CTNNA2: variants seen among roughly 807,000 people sequenced by gnomAD.
CTNNA2 encodes the protein catenin alpha 2.
In CTNNA2, 42 loss-of-function variants were observed where a neutral mutation model predicts 101.0. That is an observed-to-expected ratio of 0.42 (90% CI 0.32 to 0.54). CTNNA2 has a LOEUF of 0.54. Among genes scored for constraint, CTNNA2 ranks in the 20% least tolerant of loss-of-function variants. CTNNA2 has a pLI of 0.14. For synonymous variants in CTNNA2, 450 were observed against 456.4 expected (o/e 0.99, Z 0.18); for missense variants, 871 against 1,223.1 (o/e 0.71, Z 4.29).
intron 2 of CTNNA2, among the ~76,000 whole-genome samples, chr2:79,292,443 A>G (rs1177332114): frequency 6.6e-6 from 1 of 152,236 alleles, no homozygotes; most frequent in Non-Finnish European, 1.5e-5. Context: ...AGAGAAGTAC[A>G]TTCAGAATGA....
intron 7 of CTNNA2, among the ~76,000 whole-genome samples, chr2:80,177,593 C>T (rs983520112): frequency 6.6e-6 from 1 of 152,118 alleles, no homozygotes; most frequent in Non-Finnish European, 1.5e-5. Context: ...TGGGCAATGA[C>T]AGGGGTGACT....
At chr2:79,562,655 A>G (rs1374519880) in intron 1 of CTNNA2, among the ~76,000 whole-genome samples, 1 of 152,086 alleles carries the variant, frequency 6.6e-6, no homozygotes, top group Non-Finnish European at 1.5e-5. Context: ...TCTAAAAGTT[A>G]TTTTAACTTT....
intron 6 of CTNNA2, among the ~76,000 whole-genome samples, chr2:79,877,702 A>G (rs1683131431): frequency 6.6e-6 from 1 of 152,190 alleles, no homozygotes; most frequent in Non-Finnish European, 1.5e-5. Flanking sequence ...AAAATCTCTT[A>G]CTGATACTTG....
At chr2:80,514,588 GA>G (rs1469755232) in intron 9 of CTNNA2, among the ~76,000 whole-genome samples, 3 of 152,096 alleles carry the variant, frequency 2.0e-5, no homozygotes, top group African/African-American at 4.8e-5. Flanking sequence ...TTTAGTGATG[GA>G]AAAGGCTCTC....
intron 7 of CTNNA2, among the ~76,000 whole-genome samples, chr2:80,116,053 ACT>A (rs2148869182): frequency 7.6e-6 from 1 of 131,352 alleles, no homozygotes; most frequent in African/African-American, 3.0e-5. Flanking sequence ...AGTTTAATAA[ACT>A]TTTTTTTTTC....
intron 3 of CTNNA2, among the ~76,000 whole-genome samples, chr2:79,368,041 A>G (rs1677788775): frequency 1.3e-5 from 2 of 152,198 alleles, no homozygotes; most frequent in African/African-American, 4.8e-5. Flanking sequence ...AAAAGATGAC[A>G]ATGGTTATCA....
intron 7 of CTNNA2, among the ~76,000 whole-genome samples, chr2:80,360,677 AAACC>A (rs1674318073): frequency 6.6e-6 from 1 of 152,108 alleles, no homozygotes; most frequent in African/African-American, 2.4e-5. Context: ...CCCTGCTTAC[AAACC>A]ACTTCTCTAG....
At chr2:80,223,191 A>G (rs73938240) in intron 7 of CTNNA2, among the ~76,000 whole-genome samples, 2,213 of 152,286 alleles carry the variant, frequency 0.015, 55 homozygotes, top group African/African-American at 0.051. Context: ...TCAGGATGTA[A>G]CAGAGGCTTT....
In CTNNA2 at chr2:79,874,198, G is replaced by A. The variant is rs1372611257; in HGVS notation, c.708G>A (p.Thr236=). 16 of 1,613,994 alleles carry A rather than the reference G, an allele frequency of 9.9e-6. No homozygotes were observed. Among genetic ancestry groups the A allele is most frequent in the African/African-American group, 1.3e-5 (1 of 74,910 alleles). ...AFLRHPDVAA[T]RANRDYVFKQ... is the part of the protein sequence containing the mutation. The stretch of plus-strand genomic sequence containing the variant: ...TCCGCCACCCAGATGTCGCCGCTAC[G>A]AGAGCCAACCGAGATTATGTGTTCA... The change falls in exon 6 of 19, where the codon ACG becomes ACA. Residue 236 remains threonine (T), a synonymous_variant. Coordinates refer to ENST00000402739, the MANE Select transcript of CTNNA2 (RefSeq NM_001282597.3).
At chr2:80,389,099 G>T (rs1366676187) in intron 7 of CTNNA2, among the ~76,000 whole-genome samples, 1 of 152,206 alleles carries the variant, frequency 6.6e-6, no homozygotes, top group Non-Finnish European at 1.5e-5. Context: ...TGCCTGGATG[G>T]AGAAAGCAGA....
chr2:79,889,353 CT>C (rs1684140530), intron 6 of CTNNA2, among the ~76,000 whole-genome samples: 1 of 152,114 alleles, frequency 6.6e-6, no homozygotes, highest in African/African-American at 2.4e-5. Context: ...CTGATACTGT[CT>C]TTTTTTCTGA....
At chr2:79,507,266 T>C (rs1335903601) in intron 5 of CTNNA2, among the ~76,000 whole-genome samples, 1 of 152,228 alleles carries the variant, frequency 6.6e-6, no homozygotes, top group African/African-American at 2.4e-5. Context: ...ATACTGCGGT[T>C]TGAATGTGTC....
At chr2:80,590,204 C>A (rs1421286453) in intron 15 of CTNNA2, among the ~76,000 whole-genome samples, 1 of 152,114 alleles carries the variant, frequency 6.6e-6, no homozygotes, top group Non-Finnish European at 1.5e-5. Flanking sequence ...GATATCTCTG[C>A]CCTTTCAACA....
chr2:80,492,764 G>A (rs1232899387), intron 9 of CTNNA2, among the ~76,000 whole-genome samples: 1 of 152,164 alleles, frequency 6.6e-6, no homozygotes, highest in African/African-American at 2.4e-5. Context: ...TGGCTGGAAT[G>A]CTTTGCCCTA....
At chr2:79,936,899 G>A (rs145620090) in intron 7 of CTNNA2, among the ~76,000 whole-genome samples, 5 of 152,042 alleles carry the variant, frequency 3.3e-5, no homozygotes, top group Non-Finnish European at 5.9e-5. Flanking sequence ...CCTTTCTTTC[G>A]TTTTCTGTCA....
At chr2:80,504,717 C>G (rs780144363) in intron 9 of CTNNA2, among the ~76,000 whole-genome samples, 6 of 152,052 alleles carry the variant, frequency 3.9e-5, no homozygotes, top group African/African-American at 1.4e-4. Context: ...TACTTAGCTC[C>G]GGGGATTGTG....
Position 79,923,124 on chromosome 2 carries a change from G to A in CTNNA2, c.1056+13327G>A, listed in dbSNP as rs567088992. Among the ~76,000 whole-genome samples the A allele has an allele frequency of 3.3e-5, 5 of 152,202 alleles. No homozygotes were observed. In the South Asian group the frequency reaches 1.0e-3, roughly 32 times the overall value. On this transcript the variant is annotated intron_variant, in intron 7 of 18. Transcript: ENST00000402739. ...CTTGTGGGATATTTCTTACAGAGGG[G>A]CAAAGAAGAGCCTGTTTTGTCAGGA...
At chr2:79,887,676 T>TA (rs1042952743) in intron 6 of CTNNA2, among the ~76,000 whole-genome samples, 2 of 152,096 alleles carry the variant, frequency 1.3e-5, no homozygotes, top group South Asian at 4.1e-4. Flanking sequence ...TTTTACTTCT[T>TA]AAAAAAGAAA....
chr2:80,244,223 A>G (rs933054539), intron 7 of CTNNA2, among the ~76,000 whole-genome samples: 1 of 152,238 alleles, frequency 6.6e-6, no homozygotes, highest in African/African-American at 2.4e-5. Flanking sequence ...GGAAGAAAGG[A>G]AAGTACATAT....
Sources: allele counts gnomAD v4.1 joint callset (sites outside exome capture counted in the v4.1 genomes callset), GRCh38; gene constraint gnomAD v4.1.1; transcripts MANE v1.5; gene names NCBI Gene and HGNC (gene_info 2026-07-23, HGNC 2026-07-21).